Variants in CEP290 observed in about 807,000 individuals in gnomAD.
The protein encoded by CEP290 is centrosomal protein 290.
Under a neutral mutation model 344.9 loss-of-function variants are expected in CEP290, and 317 were observed. The observed-to-expected ratio is 0.92, with a 90% CI of 0.84 to 1.01. The LOEUF is 1.01. CEP290 is among the 50% of genes least tolerant of loss of function. CEP290 has a pLI of 0.00. For synonymous variants in CEP290, 932 were observed against 895.8 expected (o/e 1.04, Z -0.72); for missense variants, 2,754 against 2,761.4 (o/e 1.00, Z 0.06).
chr12:88,055,977 AT>A (rs1487325274), intron 49 of CEP290, among the ~76,000 whole-genome samples: 1 of 152,180 alleles, frequency 6.6e-6, no homozygotes, highest in Non-Finnish European at 1.5e-5. Flanking sequence ...CCATTTTAAA[AT>A]TAATACCTTT....
intron 18 of CEP290, among the ~76,000 whole-genome samples, chr12:88,116,608 A>G (rs2039050164): frequency 6.6e-6 from 1 of 152,160 alleles, no homozygotes; most frequent in African/African-American, 2.4e-5. Context: ...ATTTCCCTCT[A>G]CTTATTTAAC....
rs2039322651 is a variant in CEP290, at chr12:88,120,248, A to G, written c.1388T>C (p.Val463Ala). The G allele has an allele frequency of 2.0e-6, 3 of 1,471,832 alleles. No individual in the cohort carries two copies. Among genetic ancestry groups the G allele is most frequent in the African/African-American group, 1.4e-5 (1 of 70,056 alleles). The allele number at this position is 1,471,832 out of a possible 1,614,324, so 91.2% of individuals were successfully genotyped here. ...TTGGTTTTTACAATTCTTTATTTCA[A>G]CGACAGCATCTTCTAAACCATATAC... ...SGVYGLEDAV[V>A]EIKNCKNQIK... The change falls in exon 15 of 54, where the codon GTT becomes GCT. Residue 463 changes from valine (V) to alanine (A), a missense_variant. By Grantham distance (64) the Val-to-Ala change is moderately conservative. Transcript: ENST00000552810.
chr12:88,130,669 G>T (rs1359883983), intron 7 of CEP290, 104 bp from the exon 8 acceptor site: 2 of 867,312 alleles, frequency 2.3e-6, no homozygotes, highest in Non-Finnish European at 3.4e-6. Flanking sequence ...TTGGGAAAAT[G>T]ATGCATATTA....
chr12:88,091,666 T>C (rs1403693654), intron 29 of CEP290, among the ~76,000 whole-genome samples: 1 of 151,978 alleles, frequency 6.6e-6, no homozygotes, highest in East Asian at 1.9e-4. Flanking sequence ...GAAGAAAGGA[T>C]CAATTTTTTT....
Position 88,140,994 on chromosome 12 carries a change from C to A in CEP290, c.142G>T (p.Val48Leu). 1 of 1,591,354 alleles carries A rather than the reference C, an allele frequency of 6.3e-7. No individual in the cohort carries two copies. Among genetic ancestry groups the A allele is most frequent in the Non-Finnish European group, 8.5e-7 (1 of 1,171,496 alleles). ...TGAGTAATTCTGAAAAGGTGTATCACATTTTCTTGCTTTTCACTTTTTAGC... is the reference window on the plus strand; with the variant it reads ...TGAGTAATTCTGAAAAGGTGTATCAAATTTTCTTGCTTTTCACTTTTTAGC... ...NELKSEKQEN[V>L]IHLFRITQSL... Residue 48 changes from valine (V) to leucine (L), a missense_variant, in exon 3 of 54, where the codon GTG (valine) becomes TTG (leucine). Coordinates refer to ENST00000552810, the MANE Select transcript of CEP290 (RefSeq NM_025114.4).
chr12:88,103,234 T>C (rs2038033570), intron 25 of CEP290: 1 of 290,998 alleles, frequency 3.4e-6, no homozygotes, highest in Non-Finnish European at 6.2e-6. Context: ...AATACTTTAA[T>C]AACTCCTGTC....
chr12:88,106,402 C>T (rs981023033), intron 25 of CEP290, among the ~76,000 whole-genome samples: 4 of 151,814 alleles, frequency 2.6e-5, no homozygotes, highest in Non-Finnish European at 4.4e-5. Flanking sequence ...GGGTATTAGG[C>T]GATATTAGAA....
chr12:88,083,317 C>A, intron 36 of CEP290, 87 bp from the exon 37 acceptor site: 1 of 703,068 alleles, frequency 1.4e-6, no homozygotes, highest in Non-Finnish European at 2.1e-6. Context: ...CTCAAATGAT[C>A]AAAATATAAT....
intron 25 of CEP290, chr12:88,103,242 G>A (rs1222058428): frequency 1.5e-5 from 4 of 262,526 alleles, no homozygotes; most frequent in Non-Finnish European, 2.8e-5. Flanking sequence ...AATAACTCCT[G>A]TCATTGTAAA....
intron 25 of CEP290, chr12:88,103,669 T>C (rs1285160047): frequency 1.3e-5 from 2 of 151,978 alleles, no homozygotes; most frequent in South Asian, 4.1e-4. Flanking sequence ...AAACATTACA[T>C]AGAAAAGTAC....
At chr12:88,076,641 T>G (rs949260395) in intron 41 of CEP290, among the ~76,000 whole-genome samples, 5 of 152,022 alleles carry the variant, frequency 3.3e-5, no homozygotes, top group Admixed American at 6.6e-5. Flanking sequence ...TCAGTAATTT[T>G]TATTACAAAA....
intron 50 of CEP290, among the ~76,000 whole-genome samples, 165 bp downstream of exon 50, chr12:88,055,411 T>C (rs1453585292): frequency 6.6e-6 from 1 of 152,146 alleles, no homozygotes; most frequent in Non-Finnish European, 1.5e-5. Context: ...AATGAAGTCG[T>C]TGATGATCCA....
intron 41 of CEP290, among the ~76,000 whole-genome samples, chr12:88,072,127 T>A (rs902550604): frequency 5.3e-5 from 8 of 152,164 alleles, no homozygotes; most frequent in South Asian, 2.1e-4. Flanking sequence ...TGGATTTTTT[T>A]AAAAAATATT....
At chr12:88,083,529 C>T (rs1227264203) in intron 36 of CEP290, among the ~76,000 whole-genome samples, 1 of 152,164 alleles carries the variant, frequency 6.6e-6, no homozygotes, top group Non-Finnish European at 1.5e-5. Context: ...TCATTTCATA[C>T]ATATGGAACA....
At chr12:88,082,278 A>G (rs2036252320) in intron 37 of CEP290, among the ~76,000 whole-genome samples, 1 of 152,248 alleles carries the variant, frequency 6.6e-6, no homozygotes, top group Non-Finnish European at 1.5e-5. Flanking sequence ...ATAAGTGTGT[A>G]ATCAAAAGTT....
At chr12:88,071,666 A>G (rs2035384740) in intron 42 of CEP290, 115 bp downstream of exon 42, 1 of 901,494 alleles carries the variant, frequency 1.1e-6, no homozygotes, top group Non-Finnish European at 1.6e-6. Context: ...TAGATAATAA[A>G]TGATCATTTA....
intron 25 of CEP290, among the ~76,000 whole-genome samples, chr12:88,105,706 G>T (rs558836109): frequency 6.6e-6 from 1 of 151,916 alleles, no homozygotes; most frequent in South Asian, 2.1e-4. Flanking sequence ...AATAATGGAG[G>T]TATATGGTTA....
chr12:88,111,977 A>G (rs2038724896), intron 20 of CEP290, 119 bp from the exon 21 acceptor site: 1 of 655,712 alleles, frequency 1.5e-6, no homozygotes, highest in Admixed American at 4.0e-5. Flanking sequence ...ATTGCCAAGC[A>G]TGATAATAAA....
chr12:88,075,901 T>C (rs1462174411), intron 41 of CEP290, among the ~76,000 whole-genome samples: 4 of 152,194 alleles, frequency 2.6e-5, no homozygotes, highest in South Asian at 2.1e-4. Context: ...TATCATTTTA[T>C]GTAAAATAAT....
Sources: gnomAD v4.1 joint callset for allele counts (sites outside exome capture counted in the v4.1 genomes callset) on GRCh38, gnomAD v4.1.1 for gene constraint, MANE v1.5 for transcripts, NCBI Gene and HGNC (gene_info 2026-07-23, HGNC 2026-07-21) for gene names.